Variants in FHIP1A observed in about 807,000 individuals in gnomAD.
The protein encoded by FHIP1A is FHF complex subunit HOOK-interacting protein 1A.
In FHIP1A, 61 loss-of-function variants were observed where a neutral mutation model predicts 88.6. That is an observed-to-expected ratio of 0.69 (90% CI 0.56 to 0.85). FHIP1A has a LOEUF of 0.85. Ranked by LOEUF, FHIP1A falls within the 40% of genes least tolerant of loss-of-function variation. The pLI is 0.00. For missense variants in FHIP1A, 1,154 were observed against 1,273.5 expected, an observed-to-expected ratio of 0.91 and a Z score of 1.43; for synonymous variants, 478 against 496.0, an observed-to-expected ratio of 0.96 and a Z score of 0.48.
At chr4:151,553,784 T>G (rs1240980286) in intron 3 of FHIP1A, among the ~76,000 whole-genome samples, 3 of 152,182 alleles carry the variant, frequency 2.0e-5, no homozygotes, top group African/African-American at 7.2e-5. Context: ...ATGTGATAGG[T>G]GAAAATTCCA....
chr4:151,633,839 C>T (rs55808836), intron 8 of FHIP1A, among the ~76,000 whole-genome samples: 42,852 of 151,778 alleles, frequency 0.28, 6,330 homozygotes, highest in Non-Finnish European at 0.33. Flanking sequence ...AAGCCCGCAG[C>T]TAACATCTTA....
chr4:151,586,834 G>T, intron 6 of FHIP1A, 35 bp downstream of exon 6: 4 of 1,469,154 alleles, frequency 2.7e-6, no homozygotes, highest in Non-Finnish European at 3.7e-6. Flanking sequence ...CTTTGCTATG[G>T]CTTCATTCAG....
chr4:151,594,657 A>G (rs1734578612), intron 7 of FHIP1A, among the ~76,000 whole-genome samples: 1 of 151,688 alleles, frequency 6.6e-6, no homozygotes, highest in South Asian at 2.1e-4. Context: ...GCTCACTGCA[A>G]GCTCCGCCTC....
chr4:151,429,232 G>A (rs145008031), intron 1 of FHIP1A, among the ~76,000 whole-genome samples: 659 of 152,272 alleles, frequency 4.3e-3, no homozygotes, highest in Non-Finnish European at 7.6e-3. Flanking sequence ...CAGGCAGTTC[G>A]CCTGTTTTTG....
At chr4:151,627,040 C>A (rs1735982765) in intron 7 of FHIP1A, among the ~76,000 whole-genome samples, 1 of 152,136 alleles carries the variant, frequency 6.6e-6, no homozygotes, top group East Asian at 1.9e-4. Context: ...TAAAAAGCTC[C>A]TGAAGGCTCT....
intron 3 of FHIP1A, among the ~76,000 whole-genome samples, chr4:151,512,449 G>A (rs1429857918): frequency 5.9e-5 from 9 of 152,230 alleles, no homozygotes; most frequent in South Asian, 4.1e-4. Flanking sequence ...AAAGCTGGAC[G>A]GAGAATGACT....
At chr4:151,611,671 T>C (rs538448219) in intron 7 of FHIP1A, among the ~76,000 whole-genome samples, 52 of 152,338 alleles carry the variant, frequency 3.4e-4, no homozygotes, top group South Asian at 6.2e-4. Flanking sequence ...TTTTTTTCTT[T>C]GAAGATAGCA....
At position 151,636,877 on chromosome 4, in the gene FHIP1A, C is replaced by T. The variant is rs1453102938; in HGVS notation, c.1147-1800C>T. ...GTGGACCCAGAATAGTCAAAACAAA[C>T]TTGAAGAAACAAGTTGGAGGACTCA... On this transcript the variant is annotated intron_variant, in intron 8 of 13. Transcript: ENST00000435205. Among the ~76,000 whole-genome samples, 3 of 152,030 alleles carry T rather than the reference C, an allele frequency of 2.0e-5. No individual in the cohort carries two copies. The East Asian group carries it at 5.8e-4, about 29-fold the overall frequency.
chr4:151,453,119 C>T (rs572425700), intron 1 of FHIP1A, among the ~76,000 whole-genome samples: 1 of 151,670 alleles, frequency 6.6e-6, no homozygotes, highest in Non-Finnish European at 1.5e-5. Context: ...TGGGTTCAAG[C>T]GATTCTCTTG....
intron 1 of FHIP1A, among the ~76,000 whole-genome samples, chr4:151,410,898 G>C (rs1304945051): frequency 1.3e-5 from 2 of 152,180 alleles, no homozygotes; most frequent in Non-Finnish European, 2.9e-5. Flanking sequence ...AATTAAGTTT[G>C]GGGTCCTATT....
intron 9 of FHIP1A, among the ~76,000 whole-genome samples, chr4:151,640,180 A>G (rs546219004): frequency 3.3e-5 from 5 of 152,344 alleles, no homozygotes; most frequent in Admixed American, 1.3e-4. Flanking sequence ...ATGCACTACT[A>G]AGTTTGAGAA....
chr4:151,469,592 G>A (rs545729741), intron 2 of FHIP1A, among the ~76,000 whole-genome samples: 79 of 152,234 alleles, frequency 5.2e-4, no homozygotes, highest in Non-Finnish European at 9.6e-4. Flanking sequence ...CTTGAATGAT[G>A]CCTAGAAAAT....
chr4:151,420,436 C>T (rs1733079362), intron 1 of FHIP1A, among the ~76,000 whole-genome samples: 1 of 152,192 alleles, frequency 6.6e-6, no homozygotes, highest in Admixed American at 6.5e-5. Context: ...CCTACCTCTT[C>T]CTTTTTCCCC....
chr4:151,574,573 G>C (rs1355676376), intron 4 of FHIP1A, among the ~76,000 whole-genome samples: 1 of 151,882 alleles, frequency 6.6e-6, no homozygotes, highest in Non-Finnish European at 1.5e-5. Flanking sequence ...CTTAGAAATT[G>C]CTGAGTCTTA....
At position 151,647,047 on chromosome 4, in the gene FHIP1A, G is replaced by T. The variant is rs148362540; in HGVS notation, c.1417+299G>T. ...CTAGCATGTCTTCGGAAACAAGACG[G>T]GGGTGAGAGGTGTGGAGATGGCTAT... On this transcript the variant is annotated intron_variant, in intron 10 of 13. Coordinates refer to ENST00000435205, the MANE Select transcript of FHIP1A (RefSeq NM_001109977.3). 9.1e-3 allele frequency among the ~76,000 whole-genome samples: 1,390 copies of T among 152,286 alleles called. 21 individuals carry two copies. Among genetic ancestry groups the T allele is most frequent in the African/African-American group, 0.031 (1,297 of 41,560 alleles).
chr4:151,569,983 GC>G (rs1246719063), intron 4 of FHIP1A, among the ~76,000 whole-genome samples: 1 of 152,166 alleles, frequency 6.6e-6, no homozygotes, highest in Non-Finnish European at 1.5e-5. Flanking sequence ...GTAGAAAGTA[GC>G]CCCTGACTTC....
intron 9 of FHIP1A, among the ~76,000 whole-genome samples, chr4:151,643,532 G>T (rs1736673388): frequency 6.6e-6 from 1 of 152,026 alleles, no homozygotes; most frequent in South Asian, 2.1e-4. Context: ...TTTCTCTACT[G>T]TACTATTAAA....
At chr4:151,500,083 T>C (rs1433346014) in intron 3 of FHIP1A, among the ~76,000 whole-genome samples, 1 of 152,238 alleles carries the variant, frequency 6.6e-6, no homozygotes, top group African/African-American at 2.4e-5. Context: ...CTTTGACTAT[T>C]GTCAGGTAGA....
Position 151,433,879 on chromosome 4 carries a change from AT to A in FHIP1A, c.-355-20819del, listed in dbSNP as rs777829877. Among the ~76,000 whole-genome samples the A allele has an allele frequency of 3.2e-4, 49 of 152,300 alleles. No individual in the cohort carries two copies. In the Middle Eastern group the frequency reaches 0.01, roughly 32 times the overall value. Reference sequence around the variant, plus strand: ...ATCTTGATTCTATTGCAAAGTTCAGATTTAATTAGGGACAGCATATAAAACA... The same window carrying A: ...ATCTTGATTCTATTGCAAAGTTCAGATTAATTAGGGACAGCATATAAAACA... On this transcript the variant is annotated intron_variant, in intron 1 of 13. Coordinates refer to ENST00000435205, the MANE Select transcript of FHIP1A (RefSeq NM_001109977.3).
Sources: allele counts gnomAD v4.1 joint callset (sites outside exome capture counted in the v4.1 genomes callset), GRCh38; gene constraint gnomAD v4.1.1; transcripts MANE v1.5; gene names NCBI Gene and HGNC (gene_info 2026-07-23, HGNC 2026-07-21).